Variants in ANAPC16 observed in about 807,000 individuals in gnomAD.
The protein encoded by ANAPC16 is anaphase promoting complex subunit 16.
In ANAPC16, 6 loss-of-function variants were observed where a neutral mutation model predicts 13.1. The ratio of observed to expected loss-of-function variants is 0.46; its 90% CI spans 0.25 to 0.90. ANAPC16 has a LOEUF of 0.90. ANAPC16 is among the 40% of genes least tolerant of loss of function. The pLI, the probability that ANAPC16 is intolerant of heterozygous loss-of-function variation, is 0.18. For synonymous variants in ANAPC16, 55 were observed against 51.3 expected (o/e 1.07, Z -0.31); for missense variants, 113 against 131.1 (o/e 0.86, Z 0.67).
rs895614111 is a variant in ANAPC16 at position 72,235,160 on chromosome 10, A to T, written c.*2044A>T. 2.0e-5 allele frequency: 3 copies of T among 151,862 alleles called. No homozygotes were observed. The highest frequency in any genetic ancestry group is 6.6e-5 in the Admixed American group (1 of 15,234). 9.4% of individuals were successfully genotyped at this position (151,862 alleles called of 1,614,324 possible). A position where few individuals can be genotyped will look rare whatever the true frequency, so the allele number is the denominator to read the frequency against. On this transcript the variant is annotated 3_prime_UTR_variant, in exon 4 of 4. Transcript: ENST00000299381. ...AGCGAGACTCTGTCTCAAAAAAAAA[A>T]AAATAAAGCCGGGCGTGGTGGCTCA...
In ANAPC16 at chr10:72,231,838, A is replaced by G. The variant is rs530328783; in HGVS notation, c.218-1163A>G. Among the ~76,000 whole-genome samples, 3 of 152,040 alleles carry G rather than the reference A, an allele frequency of 2.0e-5. No individual in the cohort carries two copies. In the South Asian group the frequency reaches 6.2e-4, roughly 32 times the overall value. On this transcript the variant is annotated intron_variant, in intron 3 of 3. Transcript: ENST00000299381. ...CCAAAGTGCTTGGATTACAGGCATGAGCCACTGCGCCCAGCCTTTCTTCTT... is the reference window on the plus strand; with the variant it reads ...CCAAAGTGCTTGGATTACAGGCATGGGCCACTGCGCCCAGCCTTTCTTCTT...
Position 72,231,063 on chromosome 10 carries a change from C to CT in ANAPC16, c.217+628dup, listed in dbSNP as rs935365246. On this transcript the variant is annotated intron_variant, in intron 3 of 3. Coordinates refer to ENST00000299381, the MANE Select transcript of ANAPC16 (RefSeq NM_173473.4). ...TCTATACTCTAACATCCTGATAACA[C>CT]TTTTTCTGTTACATTAGGCCTCACC... Among the ~76,000 whole-genome samples, 4 of 152,284 alleles carry CT rather than the reference C, an allele frequency of 2.6e-5. 1 individual carries two copies. The South Asian group carries it at 8.3e-4, about 32-fold the overall frequency.
chr10:72,228,260 G>C (rs900210170), intron 2 of ANAPC16, among the ~76,000 whole-genome samples: 15 of 152,074 alleles, frequency 9.9e-5, no homozygotes, highest in African/African-American at 3.1e-4. Flanking sequence ...CACATAAGCA[G>C]CATACAGCAG....
At position 72,223,199 on chromosome 10, in the gene ANAPC16, A is replaced by T. The variant is rs368769957; in HGVS notation, c.-27-689A>T. 3.1e-3 allele frequency: 417 copies of T among 135,786 alleles called. 3 individuals are homozygous for T. The highest frequency in any genetic ancestry group is 0.011 in the African/African-American group (396 of 35,394). 8.4% of individuals were successfully genotyped at this position (135,786 alleles called of 1,614,324 possible). A position where few individuals can be genotyped will look rare whatever the true frequency, so the allele number is the denominator to read the frequency against. The stretch of plus-strand genomic sequence containing the variant: ...TGCCTCAGCCTCCTGAGTAGCTGGG[A>T]TGAGAGGCGTCCACCACCACGCCCT... On this transcript the variant is annotated intron_variant, in intron 1 of 3. Coordinates refer to ENST00000299381, the MANE Select transcript of ANAPC16 (RefSeq NM_173473.4).
chr10:72,228,594 A>G (rs2133686803), intron 2 of ANAPC16, among the ~76,000 whole-genome samples: 1 of 152,324 alleles, frequency 6.6e-6, no homozygotes, highest in Admixed American at 6.5e-5. Flanking sequence ...GTTTGATTAC[A>G]GTTTCTAAAT....
intron 1 of ANAPC16, among the ~76,000 whole-genome samples, chr10:72,219,341 A>T (rs1859807822): frequency 6.6e-6 from 1 of 152,168 alleles, no homozygotes; most frequent in East Asian, 1.9e-4. Flanking sequence ...GGAAGATTGG[A>T]TATTAATCTA....
At chr10:72,226,610 C>T (rs1860129911) in intron 2 of ANAPC16, among the ~76,000 whole-genome samples, 1 of 151,234 alleles carries the variant, frequency 6.6e-6, no homozygotes, top group Non-Finnish European at 1.5e-5. Flanking sequence ...GAGGTGGAGG[C>T]TGCAGTGAGC....
In ANAPC16 at chr10:72,235,591, A is replaced by T. The variant is rs955824755; in HGVS notation, c.*2475A>T. The T allele has an allele frequency of 6.6e-6, 1 of 152,262 alleles. No homozygotes were observed. Among genetic ancestry groups the T allele is most frequent in the African/African-American group, 2.4e-5 (1 of 41,470 alleles). The allele number at this position is 152,262 out of a possible 1,614,324, so 9.4% of individuals were successfully genotyped here. On this transcript the variant is annotated 3_prime_UTR_variant, in exon 4 of 4. Transcript: ENST00000299381. ...TTTTAGTTTTTTAATAGTACTTATT[A>T]GCATCAACCATCTTGATAATCACCA...
chr10:72,229,228 C>CTTTTTTTT (rs201528335), intron 2 of ANAPC16, among the ~76,000 whole-genome samples: 6 of 122,908 alleles, frequency 4.9e-5, no homozygotes, highest in Non-Finnish European at 5.3e-5. Flanking sequence ...TTCTTTTTCT[C>CTTTTTTTT]TTTTTTTTTT....
At chr10:72,231,723 A>G (rs543887080) in intron 3 of ANAPC16, among the ~76,000 whole-genome samples, 66 of 152,068 alleles carry the variant, frequency 4.3e-4, no homozygotes, top group Non-Finnish European at 7.4e-4. Context: ...CGCCCAGCTA[A>G]TTTTTGTATT....
At chr10:72,224,933 C>T (rs1257244188) in intron 2 of ANAPC16, among the ~76,000 whole-genome samples, 1 of 152,080 alleles carries the variant, frequency 6.6e-6, no homozygotes, top group African/African-American at 2.4e-5. Flanking sequence ...ACTGGCTGGC[C>T]AAGATCAGGG....
Position 72,223,906 on chromosome 10 carries a change from A to C in ANAPC16, c.-9A>C. 1 of 1,590,706 alleles carries C rather than the reference A, an allele frequency of 6.3e-7. No individual in the cohort carries two copies. The highest frequency in any genetic ancestry group is 8.6e-7 in the Non-Finnish European group (1 of 1,163,442). ...TCTGTAGTGAAGTAAGAACTCTGCT[A>C]GAGAGGAAATGGCTGCTTCATCATC... On this transcript the variant is annotated 5_prime_UTR_variant, in exon 2 of 4. Coordinates refer to ENST00000299381, the MANE Select transcript of ANAPC16 (RefSeq NM_173473.4).
intron 1 of ANAPC16, among the ~76,000 whole-genome samples, chr10:72,221,343 ACAACAGC>A (rs1315987179): frequency 6.6e-6 from 1 of 152,144 alleles, no homozygotes; most frequent in African/African-American, 2.4e-5. Flanking sequence ...TTTATCCATT[ACAACAGC>A]CAATAGCCAC....
intron 1 of ANAPC16, chr10:72,220,065 C>T (rs199645460): frequency 6.6e-6 from 1 of 152,290 alleles, no homozygotes; most frequent in Non-Finnish European, 1.5e-5. Context: ...TGCAGTGGCT[C>T]ACGCCTGTAA....
intron 2 of ANAPC16, among the ~76,000 whole-genome samples, chr10:72,225,502 A>G (rs1860091276): frequency 6.6e-6 from 1 of 151,654 alleles, no homozygotes; most frequent in Non-Finnish European, 1.5e-5. Flanking sequence ...GGATTGTTTG[A>G]GCCCAGGAGT....
intron 1 of ANAPC16, among the ~76,000 whole-genome samples, chr10:72,218,928 G>T (rs905129705): frequency 6.6e-6 from 1 of 152,190 alleles, no homozygotes; most frequent in Non-Finnish European, 1.5e-5. Context: ...AAAACAGGAT[G>T]AAAGGGAGTT....
Position 72,223,977 on chromosome 10 carries a change from T to A in ANAPC16, c.63T>A (p.Ser21=), listed in dbSNP as rs1257143005. Residue 21 remains serine, a synonymous_variant, in exon 2 of 4, where the codon TCT becomes TCA. Transcript: ENST00000299381. ...GGVSGSSVTG[S]GFSVSDLAPP... is the part of the protein sequence containing the mutation. ...TCAGTGGAAGTTCTGTCACTGGATC[T>A]GGTTTCAGTGTCTCAGACCTTGCCC... is the stretch of plus-strand genomic sequence containing the variant. 1 of 1,612,530 alleles carries A rather than the reference T, an allele frequency of 6.2e-7. No individual in the cohort carries two copies. The highest frequency in any genetic ancestry group is 1.7e-5 in the Admixed American group (1 of 59,996).
At chr10:72,222,549 G>A (rs989735817) in intron 1 of ANAPC16, among the ~76,000 whole-genome samples, 1 of 148,872 alleles carries the variant, frequency 6.7e-6, no homozygotes. Context: ...GGCCAAGGCA[G>A]GCAAATCACC....
chr10:72,225,119 A>G (rs1048468636), intron 2 of ANAPC16, among the ~76,000 whole-genome samples: 4 of 151,982 alleles, frequency 2.6e-5, no homozygotes, highest in Admixed American at 1.3e-4. Flanking sequence ...CCCCATCTCT[A>G]CTAAAAATAC....
Sources: allele counts gnomAD v4.1 joint callset (sites outside exome capture counted in the v4.1 genomes callset), GRCh38; gene constraint gnomAD v4.1.1; transcripts MANE v1.5; gene names NCBI Gene and HGNC (gene_info 2026-07-23, HGNC 2026-07-21).